Variants in CACNA1C observed in about 807,000 individuals in gnomAD.
CACNA1C encodes the protein voltage-dependent L-type calcium channel subunit alpha-1C.
In CACNA1C, 30 loss-of-function variants were observed where a neutral mutation model predicts 229.0. The ratio of observed to expected loss-of-function variants is 0.13; its 90% CI spans 0.10 to 0.18. CACNA1C has a LOEUF of 0.18. Among genes scored for constraint, CACNA1C ranks in the 10% least tolerant of loss-of-function variants. The probability of loss-of-function intolerance (pLI) is 1.00; values close to 1 mark genes in which losing one functional copy is unlikely to be tolerated. For synonymous variants in CACNA1C, 1,114 were observed against 1,132.5 expected, an observed-to-expected ratio of 0.98 and a Z score of 0.33; for missense variants, 1,658 against 2,845.0, an observed-to-expected ratio of 0.58 and a Z score of 9.49.
At chr12:2,459,868 A>G (rs1318490619) in intron 5 of CACNA1C, among the ~76,000 whole-genome samples, 1 of 152,194 alleles carries the variant, frequency 6.6e-6, no homozygotes, top group African/African-American at 2.4e-5. Flanking sequence ...AGGGGCCTGC[A>G]ATTTTTATTA....
At chr12:2,538,804 C>T (rs1362982837) in intron 9 of CACNA1C, among the ~76,000 whole-genome samples, 3 of 152,160 alleles carry the variant, frequency 2.0e-5, no homozygotes, top group African/African-American at 7.2e-5. Flanking sequence ...AATAACTTTC[C>T]AAGTTATTGT....
At chr12:2,251,579 C>T (rs779092184) in intron 3 of CACNA1C, among the ~76,000 whole-genome samples, 27 of 152,168 alleles carry the variant, frequency 1.8e-4, no homozygotes, top group Non-Finnish European at 1.9e-4. Flanking sequence ...TCCTGCTAGA[C>T]GTTGTCATTG....
chr12:2,116,456 C>A (rs888799945), intron 2 of CACNA1C, among the ~76,000 whole-genome samples: 1 of 151,732 alleles, frequency 6.6e-6, no homozygotes, highest in African/African-American at 2.4e-5. Context: ...ACTGCAAGCT[C>A]CTGGGTTCGC....
Position 2,504,722 on chromosome 12 carries a change from G to A in CACNA1C, c.1114-120G>A. ...AGGCAGGCTGTTTGGCCTCTGATTT[G>A]CACCTAGAGGGTCCCCGGATCCTGG... is the stretch of plus-strand genomic sequence containing the variant. On this transcript the variant is annotated intron_variant, in intron 7 of 46. Coordinates refer to ENST00000399655, the MANE Select transcript of CACNA1C (RefSeq NM_000719.7). This position sits in a 1 kb window ranked among gnomAD's most constrained non-coding sequence, Gnocchi z 6.8. The A allele has an allele frequency of 1.3e-6, 1 of 759,218 alleles. No homozygotes were observed. 47.0% of individuals were successfully genotyped at this position (759,218 alleles called of 1,614,324 possible).
intron 8 of CACNA1C, among the ~76,000 whole-genome samples, chr12:2,509,590 C>T (rs1418729847): frequency 3.9e-5 from 6 of 152,184 alleles, no homozygotes; most frequent in African/African-American, 9.7e-5. Context: ...CTCGCACCTG[C>T]GTGAAGCTTA....
chr12:2,548,703 C>A (rs1568360548), intron 9 of CACNA1C, among the ~76,000 whole-genome samples: 1 of 152,200 alleles, frequency 6.6e-6, no homozygotes, highest in Admixed American at 6.5e-5. Context: ...TGATTCTCTT[C>A]TCACCAACCT....
intron 1 of CACNA1C, among the ~76,000 whole-genome samples, chr12:2,064,259 T>C (rs2058549676): frequency 6.6e-6 from 1 of 152,238 alleles, no homozygotes; most frequent in South Asian, 2.1e-4. Flanking sequence ...AATTGGTGTT[T>C]GGCAAGACAA....
rs369690952 is a variant in CACNA1C, at chr12:2,688,638, C to G, written c.5976C>G (p.Cys1992Trp). The change falls in exon 46 of 47, where the codon TGC becomes TGG. Residue 1992 changes from cysteine to tryptophan, a missense_variant. Cys to Trp is a radical substitution (Grantham distance 215). This residue lies in a region of CACNA1C where 590 missense variants were observed against 700.8 expected (regional missense o/e 0.84). Coordinates refer to ENST00000399655, the MANE Select transcript of CACNA1C (RefSeq NM_000719.7). Reference sequence around the variant, plus strand: ...ACAGCAGCTTCCCATCCATCCACTGCGGCTCCTGGGCTGAGACCACCCCCG... The same window carrying G: ...ACAGCAGCTTCCCATCCATCCACTGGGGCTCCTGGGCTGAGACCACCCCCG... ...KLNSSFPSIH[C>W]GSWAETTPGG... The G allele has an allele frequency of 1.9e-6, 3 of 1,613,902 alleles. No individual in the cohort carries two copies. The highest frequency in any genetic ancestry group is 2.2e-5 in the South Asian group (2 of 91,084).
intron 3 of CACNA1C, among the ~76,000 whole-genome samples, chr12:2,423,458 G>T (rs557980690): frequency 1.9e-4 from 29 of 152,272 alleles, no homozygotes; most frequent in Admixed American, 1.5e-3. Context: ...TACCTTCATC[G>T]GTAGGATGGG....
At chr12:2,177,579 CCCTCCCTCCCTTCCTT>C (rs2096688842) in intron 3 of CACNA1C, among the ~76,000 whole-genome samples, 1 of 59,902 alleles carries the variant, frequency 1.7e-5, no homozygotes, top group Non-Finnish European at 3.0e-5. Context: ...CTCCCTCCCT[CCCTCCCTCCCTTCCTT>C]CCTTCCTTCC....
intron 9 of CACNA1C, among the ~76,000 whole-genome samples, chr12:2,534,986 C>T (rs1179061820): frequency 1.3e-5 from 2 of 152,200 alleles, no homozygotes; most frequent in South Asian, 2.1e-4. Flanking sequence ...CCTAAGGGGG[C>T]CTGCCTGATA....
intron 3 of CACNA1C, among the ~76,000 whole-genome samples, chr12:2,405,886 A>C (rs1249202533): frequency 6.6e-6 from 1 of 152,208 alleles, no homozygotes. Context: ...AGATTCCTTA[A>C]AAAAATCATT....
chr12:2,029,015 C>T lies in CACNA1C; in HGVS notation c.139+57814C>T, dbSNP rs2047780403. On this transcript the variant is annotated intron_variant, in intron 1 of 46. Transcript: ENST00000682462. This position sits in a 1 kb window ranked among gnomAD's most constrained non-coding sequence, Gnocchi z 4.9. ...GTGTGTTCTCTCATGTCTGTTAAAA[C>T]CGTTCTCCCAGAGGTAGGAGGAGTA... Among the ~76,000 whole-genome samples, 1 of 152,186 alleles carries T rather than the reference C, an allele frequency of 6.6e-6. No individual in the cohort carries two copies. The highest frequency in any genetic ancestry group is 6.5e-5 in the Admixed American group (1 of 15,274).
intron 5 of CACNA1C, among the ~76,000 whole-genome samples, chr12:2,483,742 C>T (rs1279377984): frequency 6.6e-6 from 1 of 152,048 alleles, no homozygotes; most frequent in Non-Finnish European, 1.5e-5. Context: ...ATGTGAGGAA[C>T]AGGGCATTTG....
At chr12:2,182,116 G>GA (rs2096857975) in intron 3 of CACNA1C, among the ~76,000 whole-genome samples, 1 of 127,074 alleles carries the variant, frequency 7.9e-6, no homozygotes, top group Admixed American at 8.2e-5. Context: ...GAGATTGTGT[G>GA]TGAGTTTCTG....
chr12:2,679,446 G>T lies in CACNA1C; in HGVS notation c.5094G>T (p.Arg1698Ser). 6.5e-7 allele frequency: 1 copy of T among 1,548,180 alleles called. No individual in the cohort carries two copies. Residue 1698 changes from arginine (R) to serine (S), a missense_variant and splice_region_variant, in exon 42 of 47, where the codon AGG becomes AGT. Coordinates refer to ENST00000399655, the MANE Select transcript of CACNA1C (RefSeq NM_000719.7). The surrounding 1 kb of genome is among the most constrained non-coding windows in gnomAD (Gnocchi z 5.5). ...SAASEDDIFR[R>S]AGGLFGNHVS... Reference sequence around the variant, plus strand: ...CCACCCCTCCTTCTTGCCTACAGAGGGCCGGTGGCCTGTTCGGCAACCACG... The same window carrying T: ...CCACCCCTCCTTCTTGCCTACAGAGTGCCGGTGGCCTGTTCGGCAACCACG...
At chr12:2,483,197 C>T (rs779472895) in intron 5 of CACNA1C, among the ~76,000 whole-genome samples, 15 of 152,172 alleles carry the variant, frequency 9.9e-5, no homozygotes, top group Non-Finnish European at 1.6e-4. Flanking sequence ...CAGAGAACTG[C>T]GGGGTGTATT....
At chr12:2,554,723 C>G (rs1248002374) in intron 10 of CACNA1C, among the ~76,000 whole-genome samples, 1 of 152,150 alleles carries the variant, frequency 6.6e-6, no homozygotes, top group Non-Finnish European at 1.5e-5. Context: ...TCATTAACGC[C>G]AAGGTGTGCA....
intron 3 of CACNA1C, among the ~76,000 whole-genome samples, chr12:2,387,866 G>T (rs1328019483): frequency 1.3e-5 from 2 of 152,180 alleles, no homozygotes; most frequent in African/African-American, 4.8e-5. Flanking sequence ...CAGGAGTCTG[G>T]ATTCTATCCT....
Sources: allele counts gnomAD v4.1 joint callset (sites outside exome capture counted in the v4.1 genomes callset), GRCh38; gene constraint gnomAD v4.1.1; regional missense constraint gnomAD v4.1.1; non-coding constraint Gnocchi (gnomAD v3.1); transcripts MANE v1.5; gene names NCBI Gene and HGNC (gene_info 2026-07-23, HGNC 2026-07-21).